Variants in PCSK2 observed in about 807,000 individuals in gnomAD.
PCSK2 encodes the protein proprotein convertase subtilisin/kexin type 2.
A neutral mutation model predicts 69.7 loss-of-function variants in PCSK2; 14 were observed. That is an observed-to-expected ratio of 0.20 (90% CI 0.13 to 0.31). The LOEUF is 0.31. Ranked by LOEUF, PCSK2 falls within the 10% of genes least tolerant of loss-of-function variation. The pLI, the probability that PCSK2 is intolerant of heterozygous loss-of-function variation, is 1.00. For missense variants in PCSK2, 544 were observed against 842.5 expected (o/e 0.65, Z 4.39); for synonymous variants, 307 against 320.7 (o/e 0.96, Z 0.46).
intron 1 of PCSK2, among the ~76,000 whole-genome samples, chr20:17,237,864 T>A (rs1279845591): frequency 6.6e-6 from 1 of 152,124 alleles, no homozygotes; most frequent in Non-Finnish European, 1.5e-5. Context: ...GTAGAATATG[T>A]GCTTCAGAGT....
chr20:17,424,444 G>C (rs139125174), intron 6 of PCSK2, among the ~76,000 whole-genome samples: 54 of 152,278 alleles, frequency 3.5e-4, no homozygotes, highest in Middle Eastern at 3.4e-3. Flanking sequence ...ATCAGAGAGG[G>C]CCTCAAATTG....
chr20:17,457,743 G>A (rs577008114), intron 10 of PCSK2, among the ~76,000 whole-genome samples: 2 of 152,346 alleles, frequency 1.3e-5, no homozygotes, highest in South Asian at 4.1e-4. Flanking sequence ...GCATCCGCAA[G>A]GAGACAATTA....
At chr20:17,244,077 T>C (rs1227089719) in intron 1 of PCSK2, among the ~76,000 whole-genome samples, 1 of 152,202 alleles carries the variant, frequency 6.6e-6, no homozygotes, top group African/African-American at 2.4e-5. Context: ...TATACTGCCT[T>C]GTTCTTAGAA....
intron 8 of PCSK2, among the ~76,000 whole-genome samples, chr20:17,450,429 C>T (rs1320334144): frequency 6.6e-6 from 1 of 152,132 alleles, no homozygotes; most frequent in African/African-American, 2.4e-5. Context: ...CTTAACAAGT[C>T]CCTGGCATGT....
At chr20:17,287,393 G>A (rs1363866737) in intron 2 of PCSK2, among the ~76,000 whole-genome samples, 2 of 150,284 alleles carry the variant, frequency 1.3e-5, no homozygotes, top group Admixed American at 1.4e-4. Context: ...CATGAGGTCG[G>A]GAGGCATTTC....
chr20:17,369,398 GCACACA>G (rs111813860), intron 5 of PCSK2, 121 bp downstream of exon 5: 4 of 690,338 alleles, frequency 5.8e-6, no homozygotes, highest in Middle Eastern at 2.4e-4. Context: ...ACAGGAGCAT[GCACACA>G]CACACACACA....
intron 6 of PCSK2, among the ~76,000 whole-genome samples, chr20:17,410,209 C>T (rs2123304493): frequency 6.6e-6 from 1 of 152,156 alleles, no homozygotes; most frequent in East Asian, 1.9e-4. Context: ...AGGAAACAGG[C>T]TCAGAAGGGT....
intron 6 of PCSK2, among the ~76,000 whole-genome samples, chr20:17,413,714 A>G (rs1479080058): frequency 1.3e-5 from 2 of 152,238 alleles, no homozygotes; most frequent in African/African-American, 4.8e-5. Context: ...TCCACCCCAA[A>G]TCAACAGAAT....
At chr20:17,303,717 C>T (rs1409773820) in intron 2 of PCSK2, among the ~76,000 whole-genome samples, 2 of 146,910 alleles carry the variant, frequency 1.4e-5, no homozygotes, top group Admixed American at 6.9e-5. Flanking sequence ...GCTGGGACTA[C>T]AGGCACGTGC....
rs115555778 is a variant in PCSK2, at chr20:17,372,604, C to T, written c.543+3327C>T. 6.9e-3 allele frequency among the ~76,000 whole-genome samples: 1,052 copies of T among 152,232 alleles called. 9 individuals carry two copies. Among genetic ancestry groups the T allele is most frequent in the African/African-American group, 0.024 (1,006 of 41,540 alleles). On this transcript the variant is annotated intron_variant, in intron 5 of 11. Transcript: ENST00000262545. Reference sequence around the variant, plus strand: ...CAGAAAATGTGATTTCTGTGCAAAACTGCGCATCTTGATAACTTTCATTCA... The same window carrying T: ...CAGAAAATGTGATTTCTGTGCAAAATTGCGCATCTTGATAACTTTCATTCA...
chr20:17,306,872 C>A (rs116822410), intron 2 of PCSK2, among the ~76,000 whole-genome samples: 1,607 of 152,280 alleles, frequency 0.011, 22 homozygotes, highest in African/African-American at 0.035. Context: ...GGGAAAGTTT[C>A]TCTTGAAACT....
intron 2 of PCSK2, among the ~76,000 whole-genome samples, chr20:17,268,724 T>A (rs1397667081): frequency 6.6e-6 from 1 of 152,198 alleles, no homozygotes; most frequent in Non-Finnish European, 1.5e-5. Flanking sequence ...GAGATGTGGC[T>A]TCTGTGCCTA....
At chr20:17,478,396 T>C (rs1348039771) in intron 11 of PCSK2, among the ~76,000 whole-genome samples, 1 of 152,086 alleles carries the variant, frequency 6.6e-6, no homozygotes, top group Non-Finnish European at 1.5e-5. Flanking sequence ...GTAAGGCAGC[T>C]GTTTGAGTCA....
chr20:17,458,770 T>C (rs2032966406), intron 10 of PCSK2, among the ~76,000 whole-genome samples: 1 of 152,238 alleles, frequency 6.6e-6, no homozygotes, highest in African/African-American at 2.4e-5. Flanking sequence ...TAACCAGTTG[T>C]CACTTTGTAG....
In PCSK2 at chr20:17,436,697, C is replaced by T. The variant is rs755735144; in HGVS notation, c.710-11C>T. 56 of 1,606,682 alleles carry T rather than the reference C, an allele frequency of 3.5e-5. No individual in the cohort carries two copies. The highest frequency in any genetic ancestry group is 6.7e-5 in the African/African-American group (5 of 74,818). ...CCCAAACATGGTGTCCTCTGCTCAA[C>T]GTGTCCACAGGCATCCGGATGCTGG... On this transcript the variant is annotated splice_polypyrimidine_tract_variant and intron_variant, in intron 7 of 11. Coordinates refer to ENST00000262545, the MANE Select transcript of PCSK2 (RefSeq NM_002594.5).
At chr20:17,407,627 G>A (rs1231808854) in intron 5 of PCSK2, among the ~76,000 whole-genome samples, 2 of 152,140 alleles carry the variant, frequency 1.3e-5, no homozygotes, top group Non-Finnish European at 2.9e-5. Context: ...TGGGAGAAAG[G>A]CCAAATCTGA....
At chr20:17,242,393 G>C (rs1329835593) in intron 1 of PCSK2, among the ~76,000 whole-genome samples, 1 of 152,134 alleles carries the variant, frequency 6.6e-6, no homozygotes, top group Admixed American at 6.5e-5. Context: ...AGTGTGTGTT[G>C]AGCCCTATGA....
chr20:17,250,074 C>T (rs750501885), intron 1 of PCSK2, among the ~76,000 whole-genome samples: 1 of 152,128 alleles, frequency 6.6e-6, no homozygotes, highest in South Asian at 2.1e-4. Context: ...ATTCAGCTTC[C>T]CCAAAATTAA....
chr20:17,475,261 T>C (rs2033272233), intron 11 of PCSK2, among the ~76,000 whole-genome samples: 1 of 151,532 alleles, frequency 6.6e-6, no homozygotes, highest in Non-Finnish European at 1.5e-5. Context: ...CTGAGGGTGA[T>C]TCTTCAGAGA....
Sources: gnomAD v4.1 joint callset for allele counts (sites outside exome capture counted in the v4.1 genomes callset) on GRCh38, gnomAD v4.1.1 for gene constraint, MANE v1.5 for transcripts, NCBI Gene and HGNC (gene_info 2026-07-23, HGNC 2026-07-21) for gene names.